ZNF540: variants seen among roughly 807,000 people sequenced by gnomAD.
ZNF540 encodes the protein zinc finger protein 540.
In ZNF540, 3 loss-of-function variants were observed where a neutral mutation model predicts 11.8. The observed-to-expected ratio is 0.25, with a 90% confidence interval of 0.12 to 0.65. The LOEUF is 0.65. Ranked by LOEUF, ZNF540 falls within the 30% of genes least tolerant of loss-of-function variation. ZNF540 has a pLI of 0.83. For missense variants in ZNF540, 709 were observed against 793.1 expected, an observed-to-expected ratio of 0.89 and a Z score of 1.27; for synonymous variants, 247 against 259.0, an observed-to-expected ratio of 0.95 and a Z score of 0.45.
rs997796229 is a variant in ZNF540 at position 37,613,682 on chromosome 19, A to T, written c.*419A>T. 2.5e-6 allele frequency: 1 copy of T among 397,458 alleles called. No individual in the cohort carries two copies. 24.6% of individuals were successfully genotyped at this position (397,458 alleles called of 1,614,324 possible). On this transcript the variant is annotated 3_prime_UTR_variant, in exon 5 of 5. Coordinates refer to ENST00000316433, the MANE Select transcript of ZNF540 (RefSeq NM_001172225.3). The stretch of plus-strand genomic sequence containing the variant: ...TACTGTTTTTATTATCATCAACATT[A>T]TTATTAGTGGATTTCTTAATAGGAA...
At chr19:37,578,359 A>G (rs1030969131) in intron 1 of ZNF540, among the ~76,000 whole-genome samples, 1 of 152,122 alleles carries the variant, frequency 6.6e-6, no homozygotes, top group Non-Finnish European at 1.5e-5. Flanking sequence ...TGAAACGGTG[A>G]GAGAGTGAGA....
At chr19:37,565,631 T>C (rs938766773) in intron 1 of ZNF540, 2 of 1,613,392 alleles carry the variant, frequency 1.2e-6, no homozygotes, top group Non-Finnish European at 1.7e-6. Flanking sequence ...ATGAAGAGTA[T>C]ATTGTGAACA....
At chr19:37,594,289 A>G (rs2147220159), upstream of ZNF540, 1 of 152,364 alleles carries the variant, frequency 6.6e-6, no homozygotes, top group South Asian at 2.1e-4. Flanking sequence ...GTGTCACACG[A>G]GGAGTACTGC....
intron 1 of ZNF540, among the ~76,000 whole-genome samples, chr19:37,553,527 T>G (rs934593986): frequency 2.6e-5 from 4 of 152,318 alleles, no homozygotes; most frequent in Middle Eastern, 3.4e-3. Context: ...TGCTCTTTAT[T>G]CTGTTTCTCT....
chr19:37,563,714 TGTGGAATACATACAC>T (rs936298033), intron 1 of ZNF540: 1 of 144,510 alleles, frequency 6.9e-6, no homozygotes, highest in African/African-American at 2.9e-5. Context: ...AATATATACA[TGTGGAATACATACAC>T]GTGGAATATA....
At chr19:37,610,057 C>G (rs970328046) in intron 4 of ZNF540, among the ~76,000 whole-genome samples, 4 of 152,080 alleles carry the variant, frequency 2.6e-5, no homozygotes, top group African/African-American at 9.7e-5. Context: ...TCATTTTATA[C>G]ATTTGGTTGA....
At chr19:37,604,043 A>T (rs202090564) in intron 4 of ZNF540, among the ~76,000 whole-genome samples, 9 of 143,398 alleles carry the variant, frequency 6.3e-5, no homozygotes, top group Non-Finnish European at 1.4e-4. Flanking sequence ...AAAGGATAAG[A>T]TAACTTTTCT....
chr19:37,561,538 GT>G (rs1209381661), intron 1 of ZNF540, among the ~76,000 whole-genome samples: 2 of 152,184 alleles, frequency 1.3e-5, no homozygotes, highest in Non-Finnish European at 2.9e-5. Flanking sequence ...ACAAAAGATA[GT>G]ATTTTCTTTA....
rs547201430 is a variant in ZNF540, at chr19:37,570,118, C to T, written c.-73+18453C>T. Reference sequence around the variant, plus strand: ...TAAAAAGAATAACCACCCACCCTCCCCTAAAAGACCACTAGAGGCCAATCC... The same window carrying T: ...TAAAAAGAATAACCACCCACCCTCCTCTAAAAGACCACTAGAGGCCAATCC... On this transcript the variant is annotated intron_variant, in intron 1 of 4. Coordinates refer to the ZNF540 transcript ENST00000592533. The T allele has an allele frequency of 1.7e-4, 26 of 152,334 alleles. No homozygotes were observed. The East Asian group carries it at 4.8e-3, about 28-fold the overall frequency. 9.4% of individuals were successfully genotyped at this position (152,334 alleles called of 1,614,324 possible).
At chr19:37,570,949 T>C (rs1214934613) in intron 1 of ZNF540, among the ~76,000 whole-genome samples, 1 of 152,234 alleles carries the variant, frequency 6.6e-6, no homozygotes, top group Admixed American at 6.5e-5. Flanking sequence ...TAATAGGCTG[T>C]GGTGTAATAC....
At chr19:37,575,071 C>T (rs961803194) in intron 1 of ZNF540, among the ~76,000 whole-genome samples, 5 of 152,162 alleles carry the variant, frequency 3.3e-5, no homozygotes, top group Non-Finnish European at 5.9e-5. Context: ...CAATACAACA[C>T]CCCAAATAAC....
intron 4 of ZNF540, among the ~76,000 whole-genome samples, chr19:37,604,190 C>T (rs1394969285): frequency 2.1e-5 from 3 of 144,922 alleles, no homozygotes; most frequent in African/African-American, 7.8e-5. Context: ...TTTATTTCTT[C>T]TGTGGTCAAT....
chr19:37,599,558 C>A (rs564412913), intron 2 of ZNF540, 68 bp from the exon 3 acceptor site: 7 of 1,597,308 alleles, frequency 4.4e-6, no homozygotes, highest in Non-Finnish European at 5.1e-6. Flanking sequence ...AACCTTTTAT[C>A]TCCTTTTCTT....
chr19:37,555,737 G>A, intron 1 of ZNF540: 1 of 609,166 alleles, frequency 1.6e-6, no homozygotes, highest in East Asian at 2.7e-5. Flanking sequence ...TTTTTGGATG[G>A]TGAACATAGT....
At chr19:37,610,153 G>T (rs573925690) in intron 4 of ZNF540, among the ~76,000 whole-genome samples, 1 of 152,046 alleles carries the variant, frequency 6.6e-6, no homozygotes, top group African/African-American at 2.4e-5. Context: ...AGGTGAGAGA[G>T]ATTAGAGCTC....
chr19:37,571,738 T>C (rs990608391), intron 1 of ZNF540, among the ~76,000 whole-genome samples: 1 of 152,308 alleles, frequency 6.6e-6, no homozygotes, highest in South Asian at 2.1e-4. Flanking sequence ...TCTGTACTAC[T>C]AGCTCGCAGA....
chr19:37,574,075 C>A (rs1413552451), intron 1 of ZNF540, among the ~76,000 whole-genome samples: 1 of 152,114 alleles, frequency 6.6e-6, no homozygotes, highest in African/African-American at 2.4e-5. Context: ...GCTCTGGATC[C>A]ATTATTCGTA....
At position 37,601,042 on chromosome 19, in the gene ZNF540, T is replaced by C; in HGVS notation, c.169T>C (p.Leu57=). 1 of 1,591,442 alleles carries C rather than the reference T, an allele frequency of 6.3e-7. No individual in the cohort carries two copies. The highest frequency in any genetic ancestry group is 8.6e-7 in the Non-Finnish European group (1 of 1,169,022). ...TGGCTCAAAGCCAGATGTGATTACC[T>C]TACTGGAGCAAGGGAAAGAGCCCTG... The part of the protein sequence containing the change: ...YSGSKPDVIT[L]LEQGKEPCVV... Residue 57 remains leucine (L), a synonymous_variant, in exon 4 of 5, where the codon TTA becomes CTA. Coordinates refer to ENST00000316433, the MANE Select transcript of ZNF540 (RefSeq NM_001172225.3).
At position 37,569,458 on chromosome 19, in the gene ZNF540, T is replaced by C. The variant is rs2042981985; in HGVS notation, c.-73+17793T>C. 6.6e-6 allele frequency among the ~76,000 whole-genome samples: 1 copy of C among 152,214 alleles called. No individual in the cohort carries two copies. The highest frequency in any genetic ancestry group is 6.5e-5 in the Admixed American group (1 of 15,286). On this transcript the variant is annotated intron_variant, in intron 1 of 4. Coordinates refer to the ZNF540 transcript ENST00000592533. The surrounding 1 kb of genome is among the most constrained non-coding windows in gnomAD (Gnocchi z 4.4). ...TTTTTCAAACTTCTTTTGACTAAAA[T>C]TTCATAGTAAGAAATACATATTATG...
Sources: gnomAD v4.1 joint callset for allele counts (sites outside exome capture counted in the v4.1 genomes callset) on GRCh38, gnomAD v4.1.1 for gene constraint, Gnocchi (gnomAD v3.1) non-coding constraint, MANE v1.5 for transcripts, NCBI Gene and HGNC (gene_info 2026-07-23, HGNC 2026-07-21) for gene names.